Variants in CSMD1 observed in about 807,000 individuals in gnomAD.
CSMD1 encodes CUB and Sushi multiple domains 1.
A neutral mutation model predicts 417.5 loss-of-function variants in CSMD1; 213 were observed. That is an observed-to-expected ratio of 0.51 (90% CI 0.46 to 0.57). CSMD1 has a LOEUF of 0.57. Ranked by LOEUF, CSMD1 falls within the 20% of genes least tolerant of loss-of-function variation. The probability of loss-of-function intolerance (pLI) is 0.00; values close to 1 mark genes in which losing one functional copy is unlikely to be tolerated. For synonymous variants in CSMD1, 2,862 were observed against 1,736.8 expected, an observed-to-expected ratio of 1.65 and a Z score of -16.11; for missense variants, 6,923 against 4,529.7, an observed-to-expected ratio of 1.53 and a Z score of -15.17.
intron 1 of CSMD1, among the ~76,000 whole-genome samples, chr8:4,881,411 ATATC>A (rs10659062): frequency 0.053 from 7,179 of 134,832 alleles, 253 homozygotes; most frequent in African/African-American, 0.088. Context: ...CCTAGTATAC[ATATC>A]TATCTATCTA....
At chr8:2,970,503 C>T (rs1271708349) in intron 57 of CSMD1, among the ~76,000 whole-genome samples, 1 of 152,216 alleles carries the variant, frequency 6.6e-6, no homozygotes, top group Non-Finnish European at 1.5e-5. Context: ...TGCTTTTAAT[C>T]AGCATCAGAT....
intron 7 of CSMD1, among the ~76,000 whole-genome samples, chr8:3,658,944 A>C (rs191785858): frequency 1.5e-3 from 230 of 152,312 alleles, no homozygotes; most frequent in South Asian, 2.9e-3. Context: ...TGCATATTTA[A>C]AATATAACTT....
intron 10 of CSMD1, among the ~76,000 whole-genome samples, chr8:3,556,390 T>TAAA (rs1214630342): frequency 9.5e-6 from 1 of 105,352 alleles, no homozygotes; most frequent in African/African-American, 4.6e-5. Context: ...TTTATAATAA[T>TAAA]TAATATATAT....
chr8:3,964,480 C>T (rs1384360499), intron 5 of CSMD1, among the ~76,000 whole-genome samples: 1 of 152,132 alleles, frequency 6.6e-6, no homozygotes, highest in Admixed American at 6.5e-5. Context: ...CATTTTGCCG[C>T]ATTTGTATTC....
At chr8:4,264,215 T>C (rs1289257841) in intron 3 of CSMD1, among the ~76,000 whole-genome samples, 1 of 151,964 alleles carries the variant, frequency 6.6e-6, no homozygotes, top group Non-Finnish European at 1.5e-5. Context: ...GTGACTACAA[T>C]TAATTATTAG....
rs552500976 is a variant in CSMD1 at position 3,301,909 on chromosome 8, T to G, written c.3950+5786A>C. Among the ~76,000 whole-genome samples the G allele has an allele frequency of 5.3e-5, 8 of 152,212 alleles. No homozygotes were observed. In the East Asian group the frequency reaches 1.5e-3, roughly 29 times the overall value. On this transcript the variant is annotated intron_variant, in intron 25 of 69. Coordinates refer to ENST00000635120, the MANE Select transcript of CSMD1 (RefSeq NM_033225.6). ...AAGGAAACATAAAGAGATGGAGAAA[T>G]GACAGGGCTTTGTTTTCAGATTCTA...
At chr8:4,111,302 T>C (rs1244611901) in intron 3 of CSMD1, among the ~76,000 whole-genome samples, 1 of 152,176 alleles carries the variant, frequency 6.6e-6, no homozygotes, top group Non-Finnish European at 1.5e-5. Context: ...AGCAGAAGAA[T>C]CTGATGGCTG....
intron 3 of CSMD1, among the ~76,000 whole-genome samples, chr8:4,314,923 T>C (rs573766691): frequency 2.6e-5 from 4 of 152,274 alleles, no homozygotes; most frequent in Admixed American, 2.0e-4. Flanking sequence ...ACAGAGATTA[T>C]ACCACAGGAA....
intron 1 of CSMD1, among the ~76,000 whole-genome samples, chr8:4,903,149 T>A (rs1013243793): frequency 6.6e-5 from 10 of 152,170 alleles, no homozygotes. Context: ...TTATTTAATC[T>A]TGAACAGTTT....
At chr8:4,944,164 A>C (rs910813269) in intron 1 of CSMD1, among the ~76,000 whole-genome samples, 4 of 152,184 alleles carry the variant, frequency 2.6e-5, no homozygotes, top group African/African-American at 9.7e-5. Context: ...GTCTCATGAA[A>C]GAGAAAAAAT....
intron 2 of CSMD1, among the ~76,000 whole-genome samples, chr8:4,478,770 A>T (rs1482046836): frequency 6.6e-6 from 1 of 152,342 alleles, no homozygotes; most frequent in Admixed American, 6.5e-5. Flanking sequence ...AATATGTAAC[A>T]AATTTTAATG....
At chr8:4,620,661 T>C (rs545034364) in intron 2 of CSMD1, among the ~76,000 whole-genome samples, 39 of 151,960 alleles carry the variant, frequency 2.6e-4, no homozygotes, top group African/African-American at 7.9e-4. Context: ...TTAAAATGCA[T>C]AGGACGAAGA....
intron 1 of CSMD1, among the ~76,000 whole-genome samples, chr8:4,718,118 C>A (rs1035346870): frequency 6.6e-6 from 1 of 152,070 alleles, no homozygotes; most frequent in Non-Finnish European, 1.5e-5. Flanking sequence ...GTATGACAGG[C>A]ACATGCCACC....
intron 3 of CSMD1, among the ~76,000 whole-genome samples, chr8:4,158,685 C>T (rs1796977004): frequency 6.6e-6 from 1 of 152,046 alleles, no homozygotes; most frequent in African/African-American, 2.4e-5. Flanking sequence ...TATTATGGGC[C>T]AGCAGCTATT....
intron 2 of CSMD1, among the ~76,000 whole-genome samples, chr8:4,573,444 A>G (rs754114115): frequency 3.0e-4 from 45 of 152,254 alleles, no homozygotes; most frequent in Non-Finnish European, 5.4e-4. Flanking sequence ...GGGTGTCACC[A>G]GTGGAGGCTG....
At chr8:3,165,668 G>T (rs1302718782) in intron 37 of CSMD1, among the ~76,000 whole-genome samples, 2 of 151,980 alleles carry the variant, frequency 1.3e-5, no homozygotes, top group Non-Finnish European at 1.5e-5. Flanking sequence ...TCCTGACCTC[G>T]TGATCCACCT....
At chr8:4,990,622 G>C (rs779460427) in intron 1 of CSMD1, among the ~76,000 whole-genome samples, 75 of 152,166 alleles carry the variant, frequency 4.9e-4, no homozygotes, top group Admixed American at 1.6e-3. Context: ...GCCTCCCAAA[G>C]TGCTGAGATT....
intron 5 of CSMD1, among the ~76,000 whole-genome samples, chr8:3,945,096 C>A (rs190412500): frequency 5.2e-4 from 78 of 150,932 alleles, no homozygotes; most frequent in Middle Eastern, 3.4e-3. Flanking sequence ...AACAGGCTGA[C>A]CCCAGATAAT....
intron 3 of CSMD1, among the ~76,000 whole-genome samples, chr8:4,296,083 G>A (rs1797666430): frequency 6.6e-6 from 1 of 152,034 alleles, no homozygotes; most frequent in South Asian, 2.1e-4. Context: ...TGTGCTCTCT[G>A]TTGTTTTTCT....
Sources: gnomAD v4.1 joint callset for allele counts (sites outside exome capture counted in the v4.1 genomes callset) on GRCh38, gnomAD v4.1.1 for gene constraint, MANE v1.5 for transcripts, NCBI Gene and HGNC (gene_info 2026-07-23, HGNC 2026-07-21) for gene names.